The following ASIC2 variants were observed in gnomAD, a reference collection of about 807,000 sequenced individuals.
The protein encoded by ASIC2 is acid-sensing ion channel 2.
In ASIC2, 25 loss-of-function variants were observed where a neutral mutation model predicts 57.3. The observed-to-expected ratio is 0.44, with a 90% CI of 0.32 to 0.61. The LOEUF is 0.61. Ranked by LOEUF, ASIC2 falls within the 20% of genes least tolerant of loss-of-function variation. The probability of loss-of-function intolerance (pLI) is 0.06; values close to 1 mark genes in which losing one functional copy is unlikely to be tolerated. For missense variants in ASIC2, 641 were observed against 738.1 expected (o/e 0.87, Z 1.52); for synonymous variants, 319 against 307.5 (o/e 1.04, Z -0.39).
intron 2 of ASIC2, among the ~76,000 whole-genome samples, chr17:33,100,550 C>G (rs905454308): frequency 1.1e-4 from 17 of 152,238 alleles, no homozygotes; most frequent in African/African-American, 4.1e-4. Context: ...TATCACAGCA[C>G]TTGGTGACAC....
At chr17:33,038,708 T>A (rs1460791188) in intron 3 of ASIC2, among the ~76,000 whole-genome samples, 1 of 152,252 alleles carries the variant, frequency 6.6e-6, no homozygotes, top group African/African-American at 2.4e-5. Context: ...ATTGCTCCAC[T>A]GTCTGGAGCT....
chr17:33,322,254 G>C (rs1368417640), intron 1 of ASIC2, among the ~76,000 whole-genome samples: 1 of 152,172 alleles, frequency 6.6e-6, no homozygotes, highest in Non-Finnish European at 1.5e-5. Context: ...GTGTGGGTGA[G>C]GAATGAGTCT....
chr17:33,208,444 G>A (rs1360604851), intron 1 of ASIC2, among the ~76,000 whole-genome samples: 2 of 152,002 alleles, frequency 1.3e-5, no homozygotes, highest in Admixed American at 6.5e-5. Flanking sequence ...TGAACACCTG[G>A]AGCACTTCCC....
chr17:33,843,124 C>A (rs960715487), intron 1 of ASIC2, among the ~76,000 whole-genome samples: 3 of 152,220 alleles, frequency 2.0e-5, no homozygotes, highest in Admixed American at 6.5e-5. Context: ...TTGCACGTGC[C>A]ATTTGCAATT....
intron 1 of ASIC2, among the ~76,000 whole-genome samples, chr17:33,822,618 T>C (rs986448083): frequency 2.0e-5 from 3 of 152,222 alleles, no homozygotes; most frequent in African/African-American, 7.2e-5. Context: ...AAACTTCAAG[T>C]CCTGAATTGA....
intron 1 of ASIC2, among the ~76,000 whole-genome samples, chr17:34,032,634 C>G (rs538308008): frequency 2.0e-5 from 3 of 152,142 alleles, no homozygotes; most frequent in Admixed American, 1.3e-4. Context: ...CATGCAGAGA[C>G]ACACATAGGC....
chr17:33,639,497 C>T (rs1037647135), intron 1 of ASIC2, among the ~76,000 whole-genome samples: 2 of 152,086 alleles, frequency 1.3e-5, no homozygotes, highest in African/African-American at 4.8e-5. Context: ...TCAAAGGTTC[C>T]CACTCTGGGG....
At chr17:33,308,195 G>A (rs543974758) in intron 1 of ASIC2, among the ~76,000 whole-genome samples, 61 of 152,248 alleles carry the variant, frequency 4.0e-4, no homozygotes, top group African/African-American at 1.3e-3. Context: ...TGATTCAATG[G>A]CCTTCAGCTT....
intron 1 of ASIC2, among the ~76,000 whole-genome samples, chr17:33,436,905 G>A (rs914774861): frequency 2.7e-5 from 3 of 112,870 alleles, no homozygotes; most frequent in African/African-American, 6.8e-5. Context: ...TCGCTCTGTC[G>A]CCCAGGCTGG....
At chr17:33,921,381 T>C (rs1002895951) in intron 1 of ASIC2, among the ~76,000 whole-genome samples, 4 of 152,192 alleles carry the variant, frequency 2.6e-5, no homozygotes, top group Non-Finnish European at 4.4e-5. Flanking sequence ...ATGGAAAACA[T>C]ATAACTTGTA....
chr17:33,361,810 G>C (rs1164167211), intron 1 of ASIC2, among the ~76,000 whole-genome samples: 6 of 152,148 alleles, frequency 3.9e-5, no homozygotes, highest in Admixed American at 3.9e-4. Flanking sequence ...AACAGTTCTT[G>C]CCCTTGCTAA....
chr17:33,481,986 C>T (rs1032174519), intron 1 of ASIC2, among the ~76,000 whole-genome samples: 2 of 152,198 alleles, frequency 1.3e-5, no homozygotes, highest in Admixed American at 6.5e-5. Context: ...ACCTGCTGCC[C>T]TCTCCTTTCT....
intron 1 of ASIC2, among the ~76,000 whole-genome samples, chr17:33,399,961 G>A (rs1403232554): frequency 2.0e-5 from 3 of 152,200 alleles, no homozygotes; most frequent in African/African-American, 4.8e-5. Flanking sequence ...AACTTCCCAA[G>A]AAATTTCTCT....
intron 1 of ASIC2, among the ~76,000 whole-genome samples, chr17:33,620,409 C>T (rs919286557): frequency 2.0e-5 from 3 of 152,120 alleles, no homozygotes; most frequent in Admixed American, 6.5e-5. Context: ...TTAGGCAACT[C>T]GTGACGGACT....
intron 1 of ASIC2, among the ~76,000 whole-genome samples, chr17:33,870,883 A>G (rs1597910022): frequency 6.6e-6 from 1 of 152,212 alleles, no homozygotes; most frequent in African/African-American, 2.4e-5. Context: ...GCTAAACATA[A>G]TAAACTCTGA....
rs1906228136 is a variant in ASIC2 at position 33,307,384 on chromosome 17, A to G, written c.556-195317T>C. Among the ~76,000 whole-genome samples the G allele has an allele frequency of 2.0e-5, 3 of 151,682 alleles. 1 individual carries two copies. In the South Asian group the frequency reaches 6.3e-4, roughly 32 times the overall value. The stretch of plus-strand genomic sequence containing the variant: ...TGCTATGTCATGATCTTGGCTCATC[A>G]CTGCAACCTCCACCTCCCACATTGA... On this transcript the variant is annotated intron_variant, in intron 1 of 9. Transcript: ENST00000359872.
At chr17:33,570,004 C>T (rs1343225933) in intron 1 of ASIC2, among the ~76,000 whole-genome samples, 1 of 151,906 alleles carries the variant, frequency 6.6e-6, no homozygotes, top group East Asian at 1.9e-4. Flanking sequence ...TTCCTCTGTG[C>T]CCTCCCCATC....
At chr17:33,588,235 C>T (rs762658186) in intron 1 of ASIC2, among the ~76,000 whole-genome samples, 19 of 152,176 alleles carry the variant, frequency 1.2e-4, no homozygotes, top group Non-Finnish European at 2.6e-4. Context: ...AAATCTTGAC[C>T]TTGAGAGGAG....
At chr17:33,821,877 C>T (rs985609694) in intron 1 of ASIC2, among the ~76,000 whole-genome samples, 6 of 152,104 alleles carry the variant, frequency 3.9e-5, no homozygotes, top group African/African-American at 1.4e-4. Flanking sequence ...AACCCAATAC[C>T]TGGAGGTATA....
Sources: gnomAD v4.1 joint callset for allele counts (sites outside exome capture counted in the v4.1 genomes callset) on GRCh38, gnomAD v4.1.1 for gene constraint, MANE v1.5 for transcripts, NCBI Gene and HGNC (gene_info 2026-07-23, HGNC 2026-07-21) for gene names.